Variants in ANKRD13C observed in about 807,000 individuals in gnomAD.
The protein encoded by ANKRD13C is ankyrin repeat domain-containing protein 13C.
A neutral mutation model predicts 65.5 loss-of-function variants in ANKRD13C; 16 were observed. That is an observed-to-expected ratio of 0.24 (90% CI 0.17 to 0.37). ANKRD13C has a LOEUF of 0.37. Among genes scored for constraint, ANKRD13C ranks in the 10% least tolerant of loss-of-function variants. The pLI, the probability that ANKRD13C is intolerant of heterozygous loss-of-function variation, is 1.00. For synonymous variants in ANKRD13C, 235 were observed against 238.7 expected (o/e 0.98, Z 0.14); for missense variants, 503 against 655.9 (o/e 0.77, Z 2.55).
chr1:70,273,050 G>A (rs959245408), intron 11 of ANKRD13C, among the ~76,000 whole-genome samples: 4 of 151,196 alleles, frequency 2.6e-5, no homozygotes, highest in African/African-American at 4.9e-5. Flanking sequence ...TTGGTGCATC[G>A]AGTCAACTGG....
chr1:70,266,640 A>G (rs758753972), intron 12 of ANKRD13C, among the ~76,000 whole-genome samples: 18 of 152,096 alleles, frequency 1.2e-4, no homozygotes, highest in Admixed American at 7.2e-4. Context: ...TTGCAATTTC[A>G]TTTTCATTCA....
chr1:70,329,645 T>C (rs1211503217), intron 2 of ANKRD13C, among the ~76,000 whole-genome samples: 1 of 152,186 alleles, frequency 6.6e-6, no homozygotes, highest in African/African-American at 2.4e-5. Flanking sequence ...TAGACACATA[T>C]CAGCAATGTT....
At chr1:70,288,960 A>C (rs1432397008) in intron 9 of ANKRD13C, among the ~76,000 whole-genome samples, 2 of 152,228 alleles carry the variant, frequency 1.3e-5, no homozygotes, top group African/African-American at 2.4e-5. Flanking sequence ...ATTTCAAAAT[A>C]AAAAGCTTAA....
At chr1:70,295,335 C>G (rs1348469576) in intron 8 of ANKRD13C, among the ~76,000 whole-genome samples, 12 of 151,992 alleles carry the variant, frequency 7.9e-5, no homozygotes, top group Non-Finnish European at 1.3e-4. Flanking sequence ...GTAACCTCCA[C>G]CTCCCGGGTT....
At chr1:70,276,057 A>G (rs1291676180) in intron 10 of ANKRD13C, among the ~76,000 whole-genome samples, 1 of 151,940 alleles carries the variant, frequency 6.6e-6, no homozygotes, top group African/African-American at 2.4e-5. Context: ...AGAAAAAAAA[A>G]TGACAACTTC....
At chr1:70,331,245 T>C (rs1327478187) in intron 2 of ANKRD13C, among the ~76,000 whole-genome samples, 6 of 151,402 alleles carry the variant, frequency 4.0e-5, no homozygotes, top group African/African-American at 9.7e-5. Flanking sequence ...TGAACAATGA[T>C]ATAATGTAAA....
intron 2 of ANKRD13C, among the ~76,000 whole-genome samples, chr1:70,327,150 C>T (rs570260009): frequency 6.6e-6 from 1 of 152,112 alleles, no homozygotes; most frequent in African/African-American, 2.4e-5. Context: ...AAAAATGTTC[C>T]TTTACAATGG....
chr1:70,307,291 C>T (rs573910782), intron 5 of ANKRD13C, among the ~76,000 whole-genome samples: 4 of 152,300 alleles, frequency 2.6e-5, no homozygotes, highest in African/African-American at 9.6e-5. Flanking sequence ...AATCCCAGCA[C>T]TTTGAGAGGC....
Position 70,293,436 on chromosome 1 carries a change from G to A in ANKRD13C, c.1054-887C>T, listed in dbSNP as rs1001817400. 18 of 481,732 alleles carry A rather than the reference G, an allele frequency of 3.7e-5. No individual in the cohort carries two copies. The African/African-American group carries it at 3.8e-4, about 10-fold the overall frequency. 29.8% of individuals were successfully genotyped at this position (481,732 alleles called of 1,614,324 possible). ...TGTTCCAGTCCACCTTGCAAAAAAA[G>A]CAAAGCATTCTGCACCTGTTTCTAC... On this transcript the variant is annotated intron_variant, in intron 8 of 12. Transcript: ENST00000370944.
chr1:70,307,166 C>T (rs1247060242), intron 5 of ANKRD13C, among the ~76,000 whole-genome samples: 2 of 152,108 alleles, frequency 1.3e-5, no homozygotes, highest in African/African-American at 4.8e-5. Context: ...AACAAAGACT[C>T]TAGAGAAAAT....
At chr1:70,352,860 T>C (rs184842384) in intron 1 of ANKRD13C, among the ~76,000 whole-genome samples, 100 of 152,336 alleles carry the variant, frequency 6.6e-4, no homozygotes, top group Admixed American at 1.4e-3. Context: ...AATTACAACA[T>C]TGTAAATTCT....
intron 12 of ANKRD13C, among the ~76,000 whole-genome samples, chr1:70,270,464 G>A (rs1177343351): frequency 2.6e-5 from 4 of 152,148 alleles, no homozygotes; most frequent in Non-Finnish European, 5.9e-5. Context: ...AACCTTTTTG[G>A]CACGAGGGAT....
In ANKRD13C at chr1:70,300,501, T is replaced by C. The variant is rs539165881; in HGVS notation, c.921+263A>G. 1.4e-4 allele frequency among the ~76,000 whole-genome samples: 21 copies of C among 152,030 alleles called. No homozygotes were observed. In the South Asian group the frequency reaches 4.4e-3, roughly 32 times the overall value. ...TACCCTGAAGGCTGAGGCTGAAGAA[T>C]TGCTTGAACCTGGGAGGCGGAGGTT... On this transcript the variant is annotated intron_variant, in intron 7 of 12. Transcript: ENST00000370944.
intron 3 of ANKRD13C, 48 bp from the exon 4 acceptor site, chr1:70,315,614 G>C (rs1286602530): frequency 6.9e-6 from 10 of 1,442,744 alleles, no homozygotes; most frequent in Non-Finnish European, 9.6e-6. Flanking sequence ...TCATCATGCA[G>C]TAAAAACACC....
At chr1:70,337,995 AG>A (rs374103128) in intron 1 of ANKRD13C, among the ~76,000 whole-genome samples, 120 of 152,214 alleles carry the variant, frequency 7.9e-4, no homozygotes, top group African/African-American at 2.0e-3. Context: ...GCTACTGAGG[AG>A]GCTGAGGCAG....
rs1177262040 is a variant in ANKRD13C, at chr1:70,302,740, A to G, written c.777-1832T>C. ...GACTCCGTCTCAAAAAAAAAAAAAA[A>G]AAAAAAAAAAAAAAAGAAAATAGTA... On this transcript the variant is annotated intron_variant, in intron 6 of 12. Coordinates refer to ENST00000370944, the MANE Select transcript of ANKRD13C (RefSeq NM_030816.5). Among the ~76,000 whole-genome samples the G allele has an allele frequency of 2.6e-3, 395 of 149,832 alleles. 25 individuals are homozygous for G. The highest frequency in any genetic ancestry group is 3.7e-3 in the Non-Finnish European group (247 of 67,330).
intron 10 of ANKRD13C, 117 bp from the exon 11 acceptor site, chr1:70,274,935 C>A: frequency 1.5e-6 from 1 of 653,982 alleles, no homozygotes; most frequent in South Asian, 2.0e-5. Flanking sequence ...CTTACTCTGT[C>A]TACAGAAATA....
chr1:70,264,475 CA>C (rs57312096), intron 12 of ANKRD13C, among the ~76,000 whole-genome samples: 11,131 of 48,706 alleles, frequency 0.23, 254 homozygotes, highest in East Asian at 0.34. Flanking sequence ...GACTCTATCT[CA>C]AAAAAAAAAA....
chr1:70,272,384 C>A (rs1443560900), intron 11 of ANKRD13C, among the ~76,000 whole-genome samples: 1 of 151,778 alleles, frequency 6.6e-6, no homozygotes, highest in East Asian at 1.9e-4. Flanking sequence ...CCACACCCGG[C>A]CAATTTTGTA....
Sources: gnomAD v4.1 joint callset for allele counts (sites outside exome capture counted in the v4.1 genomes callset) on GRCh38, gnomAD v4.1.1 for gene constraint, MANE v1.5 for transcripts, NCBI Gene and HGNC (gene_info 2026-07-23, HGNC 2026-07-21) for gene names.